Variants in USH2A observed in about 807,000 individuals in gnomAD.
USH2A encodes the protein usherin.
In USH2A, 443 loss-of-function variants were observed where a neutral mutation model predicts 538.9. That is an observed-to-expected ratio of 0.82 (90% CI 0.76 to 0.89). The LOEUF (loss-of-function observed/expected upper bound fraction) is 0.89, where lower values mean the gene tolerates loss of function less well. Among genes scored for constraint, USH2A ranks in the 40% least tolerant of loss-of-function variants. The pLI is 0.00. For missense variants in USH2A, 6,633 were observed against 6,324.8 expected (o/e 1.05, Z -1.65); for synonymous variants, 2,413 against 2,273.5 (o/e 1.06, Z -1.75).
chr1:215,741,076 C>T (rs1340839462), intron 60 of USH2A, among the ~76,000 whole-genome samples: 1 of 152,136 alleles, frequency 6.6e-6, no homozygotes, highest in Non-Finnish European at 1.5e-5. Flanking sequence ...TGCCCCATCA[C>T]TAAATATAAG....
At chr1:216,306,789 T>C (rs866164090) in intron 9 of USH2A, among the ~76,000 whole-genome samples, 1 of 152,098 alleles carries the variant, frequency 6.6e-6, no homozygotes, top group Non-Finnish European at 1.5e-5. Context: ...ACTGCAGTGA[T>C]TGTTGTTTCT....
intron 11 of USH2A, among the ~76,000 whole-genome samples, chr1:216,263,648 T>C (rs1229734428): frequency 6.6e-6 from 1 of 152,120 alleles, no homozygotes; most frequent in Non-Finnish European, 1.5e-5. Flanking sequence ...ATGACAAACC[T>C]ACAACCAACA....
At chr1:216,013,035 T>G (rs1668614408) in intron 32 of USH2A, among the ~76,000 whole-genome samples, 6 of 152,206 alleles carry the variant, frequency 3.9e-5, no homozygotes, top group Admixed American at 3.9e-4. Flanking sequence ...ATCCCCAAAC[T>G]GCCACTCTTA....
intron 3 of USH2A, among the ~76,000 whole-genome samples, chr1:216,367,320 G>A (rs1028981497): frequency 1.1e-4 from 16 of 152,142 alleles, no homozygotes; most frequent in African/African-American, 3.9e-4. Context: ...GAAATGTATG[G>A]CTAAAGCTCA....
chr1:215,711,067 T>C (rs190965546), intron 61 of USH2A, among the ~76,000 whole-genome samples: 1 of 152,138 alleles, frequency 6.6e-6, no homozygotes, highest in Non-Finnish European at 1.5e-5. Flanking sequence ...ATAAGAGAGA[T>C]AATGTTATTT....
At chr1:215,861,198 C>A (rs1664303520) in intron 44 of USH2A, among the ~76,000 whole-genome samples, 1 of 152,198 alleles carries the variant, frequency 6.6e-6, no homozygotes, top group African/African-American at 2.4e-5. Flanking sequence ...TCCAGAGCTA[C>A]TTTAGTCTCT....
At chr1:216,097,003 G>A in intron 22 of USH2A, 80 bp downstream of exon 22, 2 of 1,362,664 alleles carry the variant, frequency 1.5e-6, no homozygotes. Flanking sequence ...AAGATTCAGT[G>A]TGAAAACAGA....
intron 30 of USH2A, among the ~76,000 whole-genome samples, chr1:216,062,884 G>C (rs544902456): frequency 6.6e-6 from 1 of 152,194 alleles, no homozygotes; most frequent in African/African-American, 2.4e-5. Context: ...GAATAAAAGA[G>C]CTTATTATAC....
chr1:216,165,724 T>C (rs1239156860), intron 21 of USH2A, among the ~76,000 whole-genome samples: 1 of 152,142 alleles, frequency 6.6e-6, no homozygotes, highest in Admixed American at 6.6e-5. Flanking sequence ...AAATGTCTTA[T>C]GCCGTGCAAG....
At chr1:216,086,991 A>G in intron 23 of USH2A, 171 bp from the exon 24 acceptor site, 2 of 609,382 alleles carry the variant, frequency 3.3e-6, no homozygotes, top group South Asian at 1.7e-5. Context: ...ACATCCCAGC[A>G]TCATGATGTT....
chr1:216,334,263 T>C (rs569101925), intron 4 of USH2A, among the ~76,000 whole-genome samples: 257 of 152,080 alleles, frequency 1.7e-3, no homozygotes, highest in African/African-American at 6.0e-3. Context: ...TAAAATTAAG[T>C]TGGTATTAAT....
intron 37 of USH2A, among the ~76,000 whole-genome samples, chr1:215,955,867 G>A (rs1347765456): frequency 2.0e-5 from 3 of 152,068 alleles, no homozygotes; most frequent in African/African-American, 4.8e-5. Flanking sequence ...CAAACATATG[G>A]TTTGTAATCC....
At chr1:215,645,835 T>C (rs1656830007) in intron 67 of USH2A, among the ~76,000 whole-genome samples, 1 of 152,160 alleles carries the variant, frequency 6.6e-6, no homozygotes, top group Non-Finnish European at 1.5e-5. Flanking sequence ...TAGCAAATTC[T>C]ATTTGTCAAA....
At chr1:216,229,408 C>T (rs989012227) in intron 14 of USH2A, among the ~76,000 whole-genome samples, 3 of 151,850 alleles carry the variant, frequency 2.0e-5, no homozygotes, top group Non-Finnish European at 4.4e-5. Context: ...CTCGACCTTC[C>T]AGTCTCAAGC....
At chr1:215,773,512 GTCTC>G (rs939463487) in intron 55 of USH2A, among the ~76,000 whole-genome samples, 11 of 94,914 alleles carry the variant, frequency 1.2e-4, no homozygotes, top group Non-Finnish European at 2.0e-4. Flanking sequence ...CTCTCTCTCT[GTCTC>G]TCTCTCTCTC....
At chr1:216,181,500 C>T (rs1186901856) in intron 20 of USH2A, among the ~76,000 whole-genome samples, 5 of 152,006 alleles carry the variant, frequency 3.3e-5, no homozygotes, top group African/African-American at 1.2e-4. Flanking sequence ...GAAAACCCTG[C>T]TTTTAGAGAA....
chr1:216,086,694 A>G, intron 24 of USH2A, 25 bp downstream of exon 24: 2 of 1,530,486 alleles, frequency 1.3e-6, no homozygotes, highest in South Asian at 1.1e-5. Flanking sequence ...GGATGACAAC[A>G]TATAATATAC....
At chr1:215,881,452 T>C (rs1664906984) in intron 41 of USH2A, among the ~76,000 whole-genome samples, 1 of 152,220 alleles carries the variant, frequency 6.6e-6, no homozygotes, top group African/African-American at 2.4e-5. Flanking sequence ...TGTCCAAGAA[T>C]TTTAAGGAGC....
chr1:215,855,334 C>G (rs1310442160), intron 44 of USH2A, among the ~76,000 whole-genome samples: 1 of 152,118 alleles, frequency 6.6e-6, no homozygotes, highest in African/African-American at 2.4e-5. Flanking sequence ...AAATCAGTAG[C>G]ACTGTTATAC....
Sources: gnomAD v4.1 joint callset for allele counts (sites outside exome capture counted in the v4.1 genomes callset) on GRCh38, gnomAD v4.1.1 for gene constraint, MANE v1.5 for transcripts, NCBI Gene and HGNC (gene_info 2026-07-23, HGNC 2026-07-21) for gene names.